The following KIAA0513 variants were observed in gnomAD, a reference collection of about 807,000 sequenced individuals.
KIAA0513 encodes KIAA0513.
KIAA0513 carries 39 observed loss-of-function variants against 56.5 expected under a neutral mutation model. That is an observed-to-expected ratio of 0.69 (90% confidence interval 0.53 to 0.90). The LOEUF (loss-of-function observed/expected upper bound fraction) is 0.90, where lower values mean the gene tolerates loss of function less well. KIAA0513 is among the 40% of genes least tolerant of loss of function. The pLI, the probability that KIAA0513 is intolerant of heterozygous loss-of-function variation, is 0.00. For synonymous variants in KIAA0513, 268 were observed against 215.6 expected (o/e 1.24, Z -2.13); for missense variants, 591 against 535.2 (o/e 1.10, Z -1.03).
chr16:85,041,693 G>A (rs1382301364), intron 1 of KIAA0513, among the ~76,000 whole-genome samples: 1 of 152,144 alleles, frequency 6.6e-6, no homozygotes, highest in Non-Finnish European at 1.5e-5. Flanking sequence ...TTCAGCCTCC[G>A]GTGATGAAAT....
intron 1 of KIAA0513, among the ~76,000 whole-genome samples, chr16:85,037,440 G>T (rs1376237095): frequency 6.6e-6 from 1 of 152,128 alleles, no homozygotes; most frequent in African/African-American, 2.4e-5. Flanking sequence ...TGAGGGAAGA[G>T]AACCACATTC....
At chr16:85,060,755 G>C (rs988120082) in intron 1 of KIAA0513, among the ~76,000 whole-genome samples, 2 of 151,604 alleles carry the variant, frequency 1.3e-5, no homozygotes, top group African/African-American at 2.4e-5. Context: ...GAGACAGGAG[G>C]ATCACTTGAG....
In KIAA0513 at chr16:85,071,802, G is replaced by A. The variant is rs1456444843; in HGVS notation, c.349G>A (p.Glu117Lys). The part of the protein sequence containing the change: ...FSGGEDLDQE[E>K]KAKFGEYCSS... ...TTTTAGGGAGGACTTGGATCAGGAGGAGAAAGCCAAGTTTGGAGAGTACTG... is the reference window on the plus strand; with the variant it reads ...TTTTAGGGAGGACTTGGATCAGGAGAAGAAAGCCAAGTTTGGAGAGTACTG... Residue 117 changes from glutamate to lysine, a missense_variant, in exon 3 of 13, where the codon GAG becomes AAG. Transcript: ENST00000683363. 5.0e-6 allele frequency: 8 copies of A among 1,610,140 alleles called. No individual in the cohort carries two copies. The highest frequency in any genetic ancestry group is 6.8e-6 in the Non-Finnish European group (8 of 1,178,894).
In KIAA0513 at chr16:85,087,290, G is replaced by C. The variant is rs185863529; in HGVS notation, c.1186+124G>C. ...GTGTTGCAGTCGGAAACGTGGTGCT[G>C]AGCTCTCGGCAGACGGCCCCTCCTT... On this transcript the variant is annotated intron_variant, in intron 12 of 12. Coordinates refer to ENST00000683363, the MANE Select transcript of KIAA0513 (RefSeq NM_001388359.1). 127 of 760,120 alleles carry C rather than the reference G, an allele frequency of 1.7e-4. No individual in the cohort carries two copies. In the African/African-American group the frequency reaches 1.9e-3, roughly 12 times the overall value. The allele number at this position is 760,120 out of a possible 1,614,324, so 47.1% of individuals were successfully genotyped here.
Position 85,071,774 on chromosome 16 carries a change from T to G in KIAA0513, c.330-9T>G. Reference sequence around the variant, plus strand: ...TTTTTTTTCCTCTGCTCTTTTTTTTTTTTTTTAGGGAGGACTTGGATCAGG... The same window carrying G: ...TTTTTTTTCCTCTGCTCTTTTTTTTGTTTTTTAGGGAGGACTTGGATCAGG... On this transcript the variant is annotated splice_polypyrimidine_tract_variant and intron_variant, in intron 2 of 12. Coordinates refer to ENST00000683363, the MANE Select transcript of KIAA0513 (RefSeq NM_001388359.1). The G allele has an allele frequency of 6.4e-7, 1 of 1,572,652 alleles. No individual in the cohort carries two copies. Among genetic ancestry groups the G allele is most frequent in the Middle Eastern group, 1.8e-4 (1 of 5,672 alleles).
intron 5 of KIAA0513, 37 bp downstream of exon 5, chr16:85,075,951 G>A (rs1165011171): frequency 6.7e-7 from 1 of 1,487,920 alleles, no homozygotes; most frequent in Non-Finnish European, 9.4e-7. Context: ...GCTCACCTGA[G>A]GCTAGTCTGC....
At chr16:85,054,421 CTTTT>C (rs398042273) in intron 1 of KIAA0513, among the ~76,000 whole-genome samples, 3 of 119,540 alleles carry the variant, frequency 2.5e-5, no homozygotes, top group African/African-American at 6.5e-5. Context: ...TTTTTCTTTT[CTTTT>C]TTTTTTTTTT....
intron 1 of KIAA0513, among the ~76,000 whole-genome samples, chr16:85,056,058 G>T (rs1291963797): frequency 2.6e-5 from 4 of 152,212 alleles, no homozygotes; most frequent in Non-Finnish European, 4.4e-5. Flanking sequence ...TGTGCCTGTG[G>T]TTCAGCCCAG....
At chr16:85,061,299 C>G (rs928277272) in intron 1 of KIAA0513, among the ~76,000 whole-genome samples, 2 of 152,208 alleles carry the variant, frequency 1.3e-5, no homozygotes, top group African/African-American at 4.8e-5. Flanking sequence ...AATTCCACAT[C>G]TAGAAATGCC....
intron 1 of KIAA0513, among the ~76,000 whole-genome samples, chr16:85,046,611 A>G (rs2073174657): frequency 6.6e-6 from 1 of 152,202 alleles, no homozygotes; most frequent in African/African-American, 2.4e-5. Context: ...AGCTGGTGAT[A>G]CACACTGAGA....
At chr16:85,086,809 T>C in intron 11 of KIAA0513, 85 bp downstream of exon 11, 1 of 1,253,490 alleles carries the variant, frequency 8.0e-7, no homozygotes, top group Non-Finnish European at 1.1e-6. Flanking sequence ...CACCCTGGGG[T>C]GTGATGTCAG....
intron 1 of KIAA0513, among the ~76,000 whole-genome samples, chr16:85,055,907 C>T (rs142247894): frequency 6.6e-6 from 1 of 152,328 alleles, no homozygotes; most frequent in East Asian, 1.9e-4. Flanking sequence ...CCCACTCAAA[C>T]TCTAAGCTGG....
rs2073498096 is a variant in KIAA0513, at chr16:85,067,226, A to G, written c.155A>G (p.Asp52Gly). 6.2e-7 allele frequency: 1 copy of G among 1,614,050 alleles called. No homozygotes were observed. The highest frequency in any genetic ancestry group is 1.3e-5 in the African/African-American group (1 of 74,930). ...ASESETTESA[D>G]SENDMGESPS... ...GAGAGTGAGACCACTGAGTCTGCGG[A>G]CAGTGAGAATGACATGGGCGAGTCG... The change falls in exon 2 of 13, where the codon GAC (aspartate) becomes GGC (glycine). Residue 52 changes from aspartate (D) to glycine (G), a missense_variant. By Grantham distance (94) the Asp-to-Gly change is moderately conservative. Coordinates refer to ENST00000683363, the MANE Select transcript of KIAA0513 (RefSeq NM_001388359.1).
At chr16:85,029,939 G>C (rs538285859) in intron 1 of KIAA0513, among the ~76,000 whole-genome samples, 1 of 152,314 alleles carries the variant, frequency 6.6e-6, no homozygotes, top group Admixed American at 6.5e-5. Flanking sequence ...GGGTCTCTTT[G>C]CTACTGGGGG....
chr16:85,080,119 C>T (rs1040964477), intron 8 of KIAA0513, among the ~76,000 whole-genome samples: 3 of 152,080 alleles, frequency 2.0e-5, no homozygotes, highest in Non-Finnish European at 4.4e-5. Flanking sequence ...GGGCAGAGGG[C>T]AGGGCCGGAG....
At chr16:85,072,402 C>T (rs1376340174) in intron 3 of KIAA0513, among the ~76,000 whole-genome samples, 1 of 151,830 alleles carries the variant, frequency 6.6e-6, no homozygotes, top group Non-Finnish European at 1.5e-5. Context: ...ATATTCAAGA[C>T]CATGACAGCC....
Position 85,089,459 on chromosome 16 carries a change from G to C in KIAA0513, c.*1134G>C, listed in dbSNP as rs1168026223. 6.6e-6 allele frequency: 1 copy of C among 152,660 alleles called. No homozygotes were observed. The highest frequency in any genetic ancestry group is 1.5e-5 in the Non-Finnish European group (1 of 68,402). 9.5% of individuals were successfully genotyped at this position (152,660 alleles called of 1,614,324 possible). ...CTGGGAACCACGGCCCTTCTCTTCT[G>C]TGGGTCTGTACCAGGTACTCCAGGC... On this transcript the variant is annotated 3_prime_UTR_variant, in exon 13 of 13. Coordinates refer to ENST00000683363, the MANE Select transcript of KIAA0513 (RefSeq NM_001388359.1). The surrounding 1 kb of genome is among the most constrained non-coding windows in gnomAD (Gnocchi z 4.2).
chr16:85,030,156 CT>C (rs1382572752), intron 1 of KIAA0513, among the ~76,000 whole-genome samples: 2 of 152,224 alleles, frequency 1.3e-5, no homozygotes, highest in African/African-American at 4.8e-5. Flanking sequence ...TTGAGGTAGT[CT>C]GCATGGACTC....
At position 85,093,292 on chromosome 16, in the gene KIAA0513, A is replaced by C. The variant is rs2073889428; in HGVS notation, c.*4967A>C. On this transcript the variant is annotated 3_prime_UTR_variant, in exon 13 of 13. Transcript: ENST00000683363. ...GTGGGGTTTCTTAGTTACTGTTGGA[A>C]AGGGAAAAATTCACCATATCCAAGG... 1 of 151,724 alleles carries C rather than the reference A, an allele frequency of 6.6e-6. No individual in the cohort carries two copies. Among genetic ancestry groups the C allele is most frequent in the South Asian group, 2.1e-4 (1 of 4,824 alleles). The allele number at this position is 151,724 out of a possible 1,614,324, so 9.4% of individuals were successfully genotyped here.
Sources: allele counts gnomAD v4.1 joint callset (sites outside exome capture counted in the v4.1 genomes callset), GRCh38; gene constraint gnomAD v4.1.1; non-coding constraint Gnocchi (gnomAD v3.1); transcripts MANE v1.5; gene names NCBI Gene and HGNC (gene_info 2026-07-23, HGNC 2026-07-21).